The following EPHA6 variants were observed in gnomAD, a reference collection of about 807,000 sequenced individuals.
EPHA6 encodes the protein ephrin type-A receptor 6.
EPHA6 carries 50 observed loss-of-function variants against 112.0 expected under a neutral mutation model. The ratio of observed to expected loss-of-function variants is 0.45; its 90% CI spans 0.36 to 0.56. The LOEUF (loss-of-function observed/expected upper bound fraction) is 0.56, where lower values mean the gene tolerates loss of function less well. EPHA6 is among the 20% of genes least tolerant of loss of function. The pLI is 0.00. For missense variants in EPHA6, 1,280 were observed against 1,417.4 expected (o/e 0.90, Z 1.56); for synonymous variants, 529 against 490.7 (o/e 1.08, Z -1.03).
intron 5 of EPHA6, among the ~76,000 whole-genome samples, chr3:97,278,454 T>C (rs1328586872): frequency 6.6e-6 from 1 of 152,256 alleles, no homozygotes; most frequent in Admixed American, 6.5e-5. Context: ...AACAGGCTTA[T>C]ACATTATAAG....
At chr3:97,436,039 C>G (rs2089816390) in intron 6 of EPHA6, among the ~76,000 whole-genome samples, 1 of 152,066 alleles carries the variant, frequency 6.6e-6, no homozygotes, top group African/African-American at 2.4e-5. Flanking sequence ...CTTATAGTCG[C>G]TCAGTGATGA....
At chr3:97,392,983 T>G (rs1056279091) in intron 5 of EPHA6, among the ~76,000 whole-genome samples, 1 of 151,832 alleles carries the variant, frequency 6.6e-6, no homozygotes, top group Non-Finnish European at 1.5e-5. Context: ...TGTATAATTG[T>G]ACAGATCAAA....
intron 5 of EPHA6, among the ~76,000 whole-genome samples, chr3:97,395,334 T>C (rs936813478): frequency 3.3e-5 from 5 of 151,808 alleles, no homozygotes; most frequent in African/African-American, 1.2e-4. Flanking sequence ...TATTGTGATA[T>C]CTAAAGCACA....
At chr3:97,168,653 G>A (rs975367107) in intron 3 of EPHA6, among the ~76,000 whole-genome samples, 1 of 151,660 alleles carries the variant, frequency 6.6e-6, no homozygotes, top group African/African-American at 2.4e-5. Flanking sequence ...ATGTGAAGAT[G>A]TGCTTGCTTC....
chr3:97,573,152 G>T (rs2093350954), intron 11 of EPHA6, among the ~76,000 whole-genome samples: 1 of 152,194 alleles, frequency 6.6e-6, no homozygotes, highest in East Asian at 1.9e-4. Flanking sequence ...TAACAACTGT[G>T]TCTGCGTTGA....
At chr3:97,116,713 AC>A (rs1319530535) in intron 3 of EPHA6, among the ~76,000 whole-genome samples, 3 of 151,528 alleles carry the variant, frequency 2.0e-5, no homozygotes, top group Non-Finnish European at 3.0e-5. Context: ...ATGTATATAT[AC>A]CATTTTTATA....
intron 15 of EPHA6, among the ~76,000 whole-genome samples, chr3:97,721,191 G>C (rs1481364041): frequency 6.6e-6 from 1 of 152,120 alleles, no homozygotes; most frequent in African/African-American, 2.4e-5. Flanking sequence ...ATGTGATTCT[G>C]AATGTTCATA....
chr3:97,395,588 T>A (rs1346286013), intron 5 of EPHA6, among the ~76,000 whole-genome samples: 1 of 151,718 alleles, frequency 6.6e-6, no homozygotes. Context: ...AAGGAAAAAA[T>A]TATATAGTCT....
At chr3:97,285,841 T>G (rs912744607) in intron 5 of EPHA6, among the ~76,000 whole-genome samples, 1 of 152,154 alleles carries the variant, frequency 6.6e-6, no homozygotes, top group Non-Finnish European at 1.5e-5. Context: ...TGCATTAATT[T>G]ACATTCCCAC....
intron 1 of EPHA6, among the ~76,000 whole-genome samples, chr3:96,831,427 T>G (rs1264344117): frequency 6.6e-6 from 1 of 152,088 alleles, no homozygotes; most frequent in Non-Finnish European, 1.5e-5. Flanking sequence ...CAAGTCTTAG[T>G]GTCTGTAAGA....
At chr3:96,972,925 G>A (rs952701320) in intron 2 of EPHA6, among the ~76,000 whole-genome samples, 1 of 152,126 alleles carries the variant, frequency 6.6e-6, no homozygotes, top group Non-Finnish European at 1.5e-5. Context: ...AGAGATTTAT[G>A]TAAGAACTTT....
At chr3:96,944,042 C>A (rs1054193613) in intron 2 of EPHA6, among the ~76,000 whole-genome samples, 48 of 152,106 alleles carry the variant, frequency 3.2e-4, no homozygotes, top group African/African-American at 1.1e-3. Context: ...AGCTATTACA[C>A]ATTTTTCTAT....
At chr3:97,196,541 T>G (rs1335669073) in intron 3 of EPHA6, among the ~76,000 whole-genome samples, 2 of 152,074 alleles carry the variant, frequency 1.3e-5, no homozygotes, top group Non-Finnish European at 2.9e-5. Context: ...CTGATGCTTG[T>G]CAATGTCCAG....
intron 2 of EPHA6, among the ~76,000 whole-genome samples, chr3:96,868,442 A>AG (rs1215898220): frequency 6.6e-6 from 1 of 151,772 alleles, no homozygotes; most frequent in Non-Finnish European, 1.5e-5. Flanking sequence ...GTATCAATAT[A>AG]GGTTACAGTA....
chr3:96,853,441 T>C (rs1010589650), intron 1 of EPHA6, among the ~76,000 whole-genome samples: 14 of 152,148 alleles, frequency 9.2e-5, no homozygotes, highest in African/African-American at 1.4e-4. Context: ...TGTTTTTTTT[T>C]CCCCTCATTC....
At chr3:97,098,262 C>G (rs552791841) in intron 3 of EPHA6, among the ~76,000 whole-genome samples, 97 of 151,970 alleles carry the variant, frequency 6.4e-4, no homozygotes, top group African/African-American at 2.0e-3. Context: ...GGCTTTTATT[C>G]TATACTTCTA....
intron 3 of EPHA6, among the ~76,000 whole-genome samples, chr3:97,077,078 T>C (rs940756088): frequency 6.6e-6 from 1 of 152,140 alleles, no homozygotes; most frequent in African/African-American, 2.4e-5. Context: ...TAACTTTTAA[T>C]CTTATCATTT....
chr3:97,379,649 T>A (rs2085594879), intron 5 of EPHA6, among the ~76,000 whole-genome samples: 1 of 144,772 alleles, frequency 6.9e-6, no homozygotes, highest in Non-Finnish European at 1.5e-5. Context: ...CTTGAGAGGC[T>A]GAGACAGGAG....
At chr3:96,821,879 C>A (rs1365888390) in intron 1 of EPHA6, among the ~76,000 whole-genome samples, 1 of 151,846 alleles carries the variant, frequency 6.6e-6, no homozygotes, top group African/African-American at 2.4e-5. Flanking sequence ...AGATTATCTT[C>A]ATATTCTGTT....
Sources: allele counts gnomAD v4.1 joint callset (sites outside exome capture counted in the v4.1 genomes callset), GRCh38; gene constraint gnomAD v4.1.1; transcripts MANE v1.5; gene names NCBI Gene and HGNC (gene_info 2026-07-23, HGNC 2026-07-21).